SPAG16: variants seen among roughly 807,000 people sequenced by gnomAD.
The protein encoded by SPAG16 is sperm associated antigen 16.
In SPAG16, 86 loss-of-function variants were observed where a neutral mutation model predicts 80.4. That is an observed-to-expected ratio of 1.07 (90% confidence interval 0.90 to 1.28). The LOEUF (loss-of-function observed/expected upper bound fraction) is 1.28, where lower values mean the gene tolerates loss of function less well. Among genes scored for constraint, SPAG16 ranks in the 50% most tolerant of loss-of-function variants. The probability of loss-of-function intolerance (pLI) is 0.00; values close to 1 mark genes in which losing one functional copy is unlikely to be tolerated. For missense variants in SPAG16, 870 were observed against 765.3 expected (o/e 1.14, Z -1.61); for synonymous variants, 294 against 265.9 (o/e 1.11, Z -1.03).
intron 1 of SPAG16, among the ~76,000 whole-genome samples, chr2:213,289,201 G>C (rs2062173854): frequency 6.6e-6 from 1 of 152,174 alleles, no homozygotes; most frequent in Non-Finnish European, 1.5e-5. Flanking sequence ...AAGTAGCAAG[G>C]CTGTAGATAA....
chr2:213,710,122 A>C lies in SPAG16; in HGVS notation c.1071-152363A>C, dbSNP rs190336239. Among the ~76,000 whole-genome samples, 22 of 152,204 alleles carry C rather than the reference A, an allele frequency of 1.4e-4. No individual in the cohort carries two copies. In the East Asian group the frequency reaches 3.9e-3, roughly 27 times the overall value. ...GGTGAAACCTCGTCTCTACTAAAAA[A>C]TAATACAAAAAATTAGCTGGGGGTG... On this transcript the variant is annotated intron_variant, in intron 10 of 15. Coordinates refer to ENST00000331683, the MANE Select transcript of SPAG16 (RefSeq NM_024532.5).
At chr2:214,279,708 C>A (rs1304537416) in intron 15 of SPAG16, among the ~76,000 whole-genome samples, 1 of 152,146 alleles carries the variant, frequency 6.6e-6, no homozygotes, top group Non-Finnish European at 1.5e-5. Context: ...TACCATCCAT[C>A]AATAGCACAA....
At chr2:214,228,313 GTTTTCATTTA>G (rs1688422894) in intron 15 of SPAG16, among the ~76,000 whole-genome samples, 1 of 151,722 alleles carries the variant, frequency 6.6e-6, no homozygotes, top group Admixed American at 6.6e-5. Context: ...TCAAAAGCTT[GTTTTCATTTA>G]TTTTCATTTT....
chr2:213,752,451 T>C (rs1305001260), intron 10 of SPAG16, among the ~76,000 whole-genome samples: 1 of 152,232 alleles, frequency 6.6e-6, no homozygotes, highest in Non-Finnish European at 1.5e-5. Flanking sequence ...TCTGTAGTTA[T>C]AATAAATAGT....
At chr2:214,191,550 T>TA (rs2057663718) in intron 15 of SPAG16, among the ~76,000 whole-genome samples, 1 of 150,854 alleles carries the variant, frequency 6.6e-6, no homozygotes, top group Non-Finnish European at 1.5e-5. Flanking sequence ...CCATCTCCAC[T>TA]AAAAATACAA....
chr2:213,945,848 A>C (rs2079430390), intron 12 of SPAG16, among the ~76,000 whole-genome samples: 1 of 152,190 alleles, frequency 6.6e-6, no homozygotes, highest in Non-Finnish European at 1.5e-5. Flanking sequence ...TATTTTAGCC[A>C]CCCAGATCCT....
intron 10 of SPAG16, among the ~76,000 whole-genome samples, chr2:213,564,024 T>A (rs761390706): frequency 6.6e-6 from 1 of 152,174 alleles, no homozygotes; most frequent in Non-Finnish European, 1.5e-5. Context: ...GAAGATAACA[T>A]CTACCTACAT....
At chr2:213,504,606 A>G (rs1250600431) in intron 10 of SPAG16, among the ~76,000 whole-genome samples, 2 of 152,170 alleles carry the variant, frequency 1.3e-5, no homozygotes, top group Non-Finnish European at 2.9e-5. Flanking sequence ...AGAAGTAAGG[A>G]TCCACTTGAA....
intron 10 of SPAG16, among the ~76,000 whole-genome samples, chr2:213,771,585 G>A (rs1018761998): frequency 6.6e-6 from 1 of 151,904 alleles, no homozygotes; most frequent in African/African-American, 2.4e-5. Context: ...TATAGTTTTG[G>A]GTTTTACATT....
At chr2:214,019,552 G>T (rs2047754490) in intron 13 of SPAG16, among the ~76,000 whole-genome samples, 1 of 152,162 alleles carries the variant, frequency 6.6e-6, no homozygotes, top group African/African-American at 2.4e-5. Flanking sequence ...ACTTGTCACT[G>T]CGAGTTTCTA....
At chr2:214,408,845 C>T (rs1315217296) in intron 15 of SPAG16, among the ~76,000 whole-genome samples, 1 of 152,072 alleles carries the variant, frequency 6.6e-6, no homozygotes, top group Non-Finnish European at 1.5e-5. Context: ...TCATTATGAG[C>T]AAGTTACTTC....
chr2:213,763,061 T>C (rs1362818588), intron 10 of SPAG16, among the ~76,000 whole-genome samples: 1 of 152,170 alleles, frequency 6.6e-6, no homozygotes, highest in Non-Finnish European at 1.5e-5. Flanking sequence ...ACCAGAGAAA[T>C]GCAAGTCAAA....
In SPAG16 at chr2:213,833,277, T is replaced by G. The variant is rs1180142177; in HGVS notation, c.1071-29208T>G. On this transcript the variant is annotated intron_variant, in intron 10 of 15. Transcript: ENST00000331683. ...AGCAGGTGTTTTCTCTCTGCTCATT[T>G]TCAAATGAGTAGAGATCCACCAGAC... Among the ~76,000 whole-genome samples, 11 of 147,348 alleles carry G rather than the reference T, an allele frequency of 7.5e-5. No homozygotes were observed. In the East Asian group the frequency reaches 2.2e-3, roughly 30 times the overall value.
At chr2:213,882,117 T>C (rs1365823) in intron 11 of SPAG16, among the ~76,000 whole-genome samples, 90,385 of 152,076 alleles carry the variant, frequency 0.59, 28,753 homozygotes, top group South Asian at 0.85. Context: ...ATTCTGTTTA[T>C]GTGTTAAATT....
intron 10 of SPAG16, among the ~76,000 whole-genome samples, chr2:213,763,984 G>A (rs2068799626): frequency 6.6e-6 from 1 of 152,188 alleles, no homozygotes; most frequent in African/African-American, 2.4e-5. Flanking sequence ...AAACACAAAT[G>A]TGAAGGGTGG....
At chr2:214,339,446 A>T (rs1208841234) in intron 15 of SPAG16, among the ~76,000 whole-genome samples, 2 of 152,190 alleles carry the variant, frequency 1.3e-5, no homozygotes, top group African/African-American at 4.8e-5. Flanking sequence ...CTGCTGTTTA[A>T]GTCAAAGCAA....
chr2:213,480,577 A>G (rs111486388), intron 9 of SPAG16, among the ~76,000 whole-genome samples: 3,035 of 152,338 alleles, frequency 0.02, 43 homozygotes, highest in Middle Eastern at 0.051. Context: ...ACCATTTTCA[A>G]AAGCTGTTAC....
At chr2:213,874,501 C>A (rs2076068864) in intron 11 of SPAG16, among the ~76,000 whole-genome samples, 1 of 152,032 alleles carries the variant, frequency 6.6e-6, no homozygotes, top group Non-Finnish European at 1.5e-5. Flanking sequence ...TGGCCCACTT[C>A]CACATTTTGT....
intron 11 of SPAG16, among the ~76,000 whole-genome samples, chr2:213,913,780 G>A (rs2077817314): frequency 6.6e-6 from 1 of 152,128 alleles, no homozygotes; most frequent in African/African-American, 2.4e-5. Context: ...TGGCTCACAT[G>A]ATTGTGGGGA....
Sources: gnomAD v4.1 joint callset for allele counts (sites outside exome capture counted in the v4.1 genomes callset) on GRCh38, gnomAD v4.1.1 for gene constraint, MANE v1.5 for transcripts, NCBI Gene and HGNC (gene_info 2026-07-23, HGNC 2026-07-21) for gene names.